Variants in SLC49A4 observed in about 807,000 individuals in gnomAD.
SLC49A4 encodes the protein disrupted in renal cancer protein 2.
A neutral mutation model predicts 50.6 loss-of-function variants in SLC49A4; 36 were observed. That is an observed-to-expected ratio of 0.71 (90% CI 0.55 to 0.94). SLC49A4 has a LOEUF of 0.94. Ranked by LOEUF, SLC49A4 falls within the 40% of genes least tolerant of loss-of-function variation. The probability of loss-of-function intolerance (pLI) is 0.00; values close to 1 mark genes in which losing one functional copy is unlikely to be tolerated. For synonymous variants in SLC49A4, 248 were observed against 241.2 expected, an observed-to-expected ratio of 1.03 and a Z score of -0.26; for missense variants, 503 against 605.7, an observed-to-expected ratio of 0.83 and a Z score of 1.78.
intron 2 of SLC49A4, among the ~76,000 whole-genome samples, chr3:122,811,986 C>A (rs1460472447): frequency 6.6e-6 from 1 of 151,604 alleles, no homozygotes; most frequent in East Asian, 1.9e-4. Context: ...CTTTTGGAAA[C>A]ACTCTGTTGC....
At chr3:122,869,233 G>A (rs979299613) in intron 7 of SLC49A4, among the ~76,000 whole-genome samples, 9 of 151,132 alleles carry the variant, frequency 6.0e-5, no homozygotes, top group African/African-American at 2.2e-4. Context: ...ACCCCCCCCA[G>A]TTTTCCTCTC....
In SLC49A4 at chr3:122,870,816, CAAT is replaced by C. The variant is rs199524636; in HGVS notation, c.1139-1574_1139-1572del. 4.6e-3 allele frequency among the ~76,000 whole-genome samples: 685 copies of C among 147,338 alleles called. 19 individuals carry two copies. In the South Asian group the frequency reaches 0.066, roughly 14 times the overall value. ...GCAACAGAGCAAGACTCCATCTCAA[CAAT>C]AATAATAATAATAATAATAATAATT... On this transcript the variant is annotated intron_variant, in intron 7 of 8. Coordinates refer to ENST00000261038, the MANE Select transcript of SLC49A4 (RefSeq NM_032839.3).
At chr3:122,854,184 C>T (rs977662492) in intron 5 of SLC49A4, among the ~76,000 whole-genome samples, 2 of 152,192 alleles carry the variant, frequency 1.3e-5, no homozygotes, top group African/African-American at 4.8e-5. Context: ...AGAGAATTCT[C>T]TTGCCTCAAA....
At position 122,880,788 on chromosome 3, in the gene SLC49A4, T is replaced by A. The variant is rs1258373310; in HGVS notation, c.*1410T>A. The A allele has an allele frequency of 6.6e-6, 1 of 152,416 alleles. No individual in the cohort carries two copies. Among genetic ancestry groups the A allele is most frequent in the African/African-American group, 2.4e-5 (1 of 41,462 alleles). The allele number at this position is 152,416 out of a possible 1,614,324, so 9.4% of individuals were successfully genotyped here. A position where few individuals can be genotyped will look rare whatever the true frequency, so the allele number is the denominator to read the frequency against. ...GGCAGCACTGGGCCCTGCTCCTCTC[T>A]GCACCTGTGTGCGCCATGACACACC... On this transcript the variant is annotated 3_prime_UTR_variant, in exon 9 of 9. Transcript: ENST00000261038.
intron 1 of SLC49A4, among the ~76,000 whole-genome samples, chr3:122,798,278 T>A (rs1004911103): frequency 2.0e-5 from 3 of 152,118 alleles, no homozygotes; most frequent in Admixed American, 1.3e-4. Flanking sequence ...TTCCCCAAAT[T>A]TAGCCAACCT....
intron 4 of SLC49A4, among the ~76,000 whole-genome samples, chr3:122,835,273 A>G (rs1253237274): frequency 6.6e-6 from 1 of 152,180 alleles, no homozygotes; most frequent in African/African-American, 2.4e-5. Context: ...AACTCATTCT[A>G]TGAAGCCAGT....
At chr3:122,850,132 A>C (rs1293054012) in intron 5 of SLC49A4, among the ~76,000 whole-genome samples, 1 of 152,244 alleles carries the variant, frequency 6.6e-6, no homozygotes, top group Non-Finnish European at 1.5e-5. Flanking sequence ...CTAACATCAG[A>C]ATCATCTGAA....
chr3:122,834,934 C>A (rs1359241442), intron 4 of SLC49A4, among the ~76,000 whole-genome samples: 1 of 152,034 alleles, frequency 6.6e-6, no homozygotes, highest in East Asian at 1.9e-4. Flanking sequence ...TCTATGGACA[C>A]AAACTAGAAA....
intron 4 of SLC49A4, among the ~76,000 whole-genome samples, chr3:122,837,470 C>T (rs1936704242): frequency 6.6e-6 from 1 of 152,124 alleles, no homozygotes; most frequent in Non-Finnish European, 1.5e-5. Context: ...ACAGGATTCC[C>T]TATTTAATAA....
chr3:122,795,141 C>A lies in SLC49A4; in HGVS notation c.-52C>A. 7.7e-7 allele frequency: 1 copy of A among 1,300,810 alleles called. No individual in the cohort carries two copies. The highest frequency in any genetic ancestry group is 2.6e-5 in the South Asian group (1 of 38,180). The allele number at this position is 1,300,810 out of a possible 1,614,324, so 80.6% of individuals were successfully genotyped here. A position where few individuals can be genotyped will look rare whatever the true frequency, so the allele number is the denominator to read the frequency against. On this transcript the variant is annotated 5_prime_UTR_variant, in exon 1 of 9. Transcript: ENST00000261038. ...CAGGACTATTCTGCGCTGGGCTAGT[C>A]GGCGGTGACCCGGACTGCGCCCGGC...
chr3:122,830,914 G>A (rs1485838278), intron 3 of SLC49A4, among the ~76,000 whole-genome samples: 1 of 152,060 alleles, frequency 6.6e-6, no homozygotes, highest in Non-Finnish European at 1.5e-5. Flanking sequence ...ATTATATAAA[G>A]CATTCTTACA....
At chr3:122,825,229 CATT>C (rs774298825) in intron 2 of SLC49A4, among the ~76,000 whole-genome samples, 15 of 152,192 alleles carry the variant, frequency 9.9e-5, no homozygotes, top group Non-Finnish European at 1.6e-4. Context: ...CACACTGTCT[CATT>C]GTTGTGCCAT....
chr3:122,843,217 A>AT (rs752515434), intron 4 of SLC49A4, among the ~76,000 whole-genome samples: 13 of 151,080 alleles, frequency 8.6e-5, no homozygotes, highest in South Asian at 4.2e-4. Context: ...TACATGGTTT[A>AT]TTTTTTTTTA....
At chr3:122,858,356 A>G (rs1169151740) in intron 6 of SLC49A4, among the ~76,000 whole-genome samples, 2 of 152,216 alleles carry the variant, frequency 1.3e-5, no homozygotes, top group African/African-American at 4.8e-5. Flanking sequence ...TCTGTATCTG[A>G]CAAATAAGTT....
At chr3:122,804,859 A>G (rs1258200043) in intron 1 of SLC49A4, among the ~76,000 whole-genome samples, 1 of 152,250 alleles carries the variant, frequency 6.6e-6, no homozygotes, top group Non-Finnish European at 1.5e-5. Flanking sequence ...GTATTGTTAA[A>G]TATTTGATAA....
chr3:122,857,345 A>G (rs16833588), intron 6 of SLC49A4, among the ~76,000 whole-genome samples: 20,574 of 150,880 alleles, frequency 0.14, 2,164 homozygotes, highest in East Asian at 0.5. Context: ...GCAACTGCCT[A>G]TAAAACTATT....
chr3:122,817,408 G>A (rs373790398), intron 2 of SLC49A4, among the ~76,000 whole-genome samples: 17 of 152,228 alleles, frequency 1.1e-4, no homozygotes, highest in African/African-American at 3.6e-4. Context: ...CTTGATTTTA[G>A]CCCTAGAGTC....
rs1936728671 is a variant in SLC49A4 at position 122,838,783 on chromosome 3, G to T, written c.833+5337G>T. 2.0e-5 allele frequency among the ~76,000 whole-genome samples: 3 copies of T among 151,896 alleles called. No individual in the cohort carries two copies. In the South Asian group the frequency reaches 6.2e-4, roughly 32 times the overall value. Reference sequence around the variant, plus strand: ...CACATTCCATGTTCATGGATTGGAAGAATCAATATTGTGAAAATGACCATA... The same window carrying T: ...CACATTCCATGTTCATGGATTGGAATAATCAATATTGTGAAAATGACCATA... On this transcript the variant is annotated intron_variant, in intron 4 of 8. Coordinates refer to ENST00000261038, the MANE Select transcript of SLC49A4 (RefSeq NM_032839.3).
In SLC49A4 at chr3:122,838,034, C is replaced by T. The variant is rs1329763117; in HGVS notation, c.833+4588C>T. On this transcript the variant is annotated intron_variant, in intron 4 of 8. Coordinates refer to ENST00000261038, the MANE Select transcript of SLC49A4 (RefSeq NM_032839.3). ...TACCATCTCACACCAGTTAGAATGG[C>T]GATCATTAAAAAGTCAGGAAACAAC... Among the ~76,000 whole-genome samples, 7 of 151,520 alleles carry T rather than the reference C, an allele frequency of 4.6e-5. No individual in the cohort carries two copies. The East Asian group carries it at 7.8e-4, about 17-fold the overall frequency.
Sources: gnomAD v4.1 joint callset for allele counts (sites outside exome capture counted in the v4.1 genomes callset) on GRCh38, gnomAD v4.1.1 for gene constraint, MANE v1.5 for transcripts, NCBI Gene and HGNC (gene_info 2026-07-23, HGNC 2026-07-21) for gene names.